The following REC114 variants were observed in gnomAD, a reference collection of about 807,000 sequenced individuals.
REC114 encodes the protein meiotic recombination protein REC114.
REC114 carries 27 observed loss-of-function variants against 31.3 expected under a neutral mutation model. That is an observed-to-expected ratio of 0.86 (90% CI 0.64 to 1.19). REC114 has a LOEUF of 1.19. REC114 is among the 50% of genes most tolerant of loss of function. The pLI, the probability that REC114 is intolerant of heterozygous loss-of-function variation, is 0.00. For synonymous variants in REC114, 134 were observed against 127.7 expected (o/e 1.05, Z -0.33); for missense variants, 344 against 326.9 (o/e 1.05, Z -0.40).
chr15:73,490,329 C>T (rs369438090), intron 2 of REC114, among the ~76,000 whole-genome samples: 31 of 151,750 alleles, frequency 2.0e-4, no homozygotes, highest in Non-Finnish European at 3.8e-4. Flanking sequence ...AAGAATATTA[C>T]GTCTTTGAAT....
intron 2 of REC114, among the ~76,000 whole-genome samples, chr15:73,475,775 A>T (rs1443015018): frequency 6.6e-6 from 1 of 152,210 alleles, no homozygotes. Context: ...TAATTAGGAT[A>T]GTTAACTGAG....
chr15:73,525,571 AT>A (rs778010456), intron 2 of REC114, among the ~76,000 whole-genome samples: 4 of 148,734 alleles, frequency 2.7e-5, no homozygotes, highest in Admixed American at 6.7e-5. Flanking sequence ...TTATTCTGTG[AT>A]TTTTTTTTAC....
intron 2 of REC114, among the ~76,000 whole-genome samples, chr15:73,523,533 C>G (rs1893964725): frequency 6.6e-6 from 1 of 152,200 alleles, no homozygotes; most frequent in African/African-American, 2.4e-5. Flanking sequence ...GCCTATGAAG[C>G]TAGGTTACAG....
intron 2 of REC114, among the ~76,000 whole-genome samples, chr15:73,520,365 G>C (rs1488397136): frequency 2.0e-5 from 3 of 152,066 alleles, no homozygotes; most frequent in Admixed American, 2.0e-4. Context: ...TAAGTAGCTG[G>C]GATTACAGGC....
chr15:73,489,845 C>T (rs904920332), intron 2 of REC114, among the ~76,000 whole-genome samples: 1 of 152,158 alleles, frequency 6.6e-6, no homozygotes. Flanking sequence ...ACTCTAACAA[C>T]AGTGGTGGTT....
intron 2 of REC114, among the ~76,000 whole-genome samples, chr15:73,487,777 C>T (rs1893390982): frequency 6.6e-6 from 1 of 152,222 alleles, no homozygotes; most frequent in African/African-American, 2.4e-5. Context: ...CTAGACATTG[C>T]CCTAATAGGG....
chr15:73,545,167 A>G (rs900529042), intron 3 of REC114, among the ~76,000 whole-genome samples: 2 of 152,336 alleles, frequency 1.3e-5, no homozygotes, highest in South Asian at 4.1e-4. Context: ...ATTAGTTGTT[A>G]TAACTTGAAA....
chr15:73,523,896 C>T (rs1893971597), intron 2 of REC114, among the ~76,000 whole-genome samples: 1 of 152,162 alleles, frequency 6.6e-6, no homozygotes, highest in African/African-American at 2.4e-5. Context: ...AGGTCCCCTT[C>T]TTCCCAACTA....
chr15:73,509,905 G>C (rs1246810820), intron 2 of REC114, among the ~76,000 whole-genome samples: 1 of 151,478 alleles, frequency 6.6e-6, no homozygotes, highest in Non-Finnish European at 1.5e-5. Flanking sequence ...TTTTGGCTTA[G>C]GATTGACTTG....
At position 73,557,596 on chromosome 15, in the gene REC114, T is replaced by C. The variant is rs113770224; in HGVS notation, c.636+1205T>C. On this transcript the variant is annotated intron_variant, in intron 5 of 5. Coordinates refer to ENST00000331090, the MANE Select transcript of REC114 (RefSeq NM_001042367.2). ...ATTATTTGTCCAGCAGCAGGACTAA[T>C]GCCCATATTTGCATTGGGGTTAGGG... 1.5e-3 allele frequency among the ~76,000 whole-genome samples: 221 copies of C among 152,306 alleles called. 1 individual carries two copies. The highest frequency in any genetic ancestry group is 1.6e-3 in the Non-Finnish European group (109 of 68,022).
At chr15:73,484,200 GTTTC>G (rs72236410) in intron 2 of REC114, among the ~76,000 whole-genome samples, 2,149 of 152,212 alleles carry the variant, frequency 0.014, 22 homozygotes, top group African/African-American at 0.021. Context: ...CTCCACTCCT[GTTTC>G]TTCTTTCAGC....
At chr15:73,448,555 G>A (rs1291831813) in intron 1 of REC114, among the ~76,000 whole-genome samples, 1 of 152,316 alleles carries the variant, frequency 6.6e-6, no homozygotes, top group South Asian at 2.1e-4. Context: ...GGAGGAAGGG[G>A]TGGCTGTGGG....
rs552804718 is a variant in REC114, at chr15:73,499,692, A to G, written c.249+25771A>G. Among the ~76,000 whole-genome samples the G allele has an allele frequency of 2.6e-5, 4 of 152,298 alleles. No homozygotes were observed. The East Asian group carries it at 7.7e-4, about 29-fold the overall frequency. On this transcript the variant is annotated intron_variant, in intron 2 of 5. Transcript: ENST00000331090. Reference sequence around the variant, plus strand: ...CTTCAAAGCTCCCAATCGCCTTAGAATAAAACCAGGCTTTCTTAGCATGGA... The same window carrying G: ...CTTCAAAGCTCCCAATCGCCTTAGAGTAAAACCAGGCTTTCTTAGCATGGA...
intron 2 of REC114, among the ~76,000 whole-genome samples, chr15:73,489,004 A>G (rs1458377231): frequency 1.3e-5 from 2 of 152,148 alleles, no homozygotes; most frequent in African/African-American, 4.8e-5. Flanking sequence ...TAAACAATAG[A>G]AATGTATTTC....
At chr15:73,459,500 G>A (rs1174460347) in intron 1 of REC114, among the ~76,000 whole-genome samples, 1 of 152,012 alleles carries the variant, frequency 6.6e-6, no homozygotes, top group African/African-American at 2.4e-5. Flanking sequence ...CCAAAGTGTT[G>A]GGATTACAGG....
At chr15:73,447,970 C>T (rs1005291990) in intron 1 of REC114, among the ~76,000 whole-genome samples, 15 of 152,190 alleles carry the variant, frequency 9.9e-5, no homozygotes, top group African/African-American at 3.6e-4. Context: ...CTGTGCTTTT[C>T]CCATGGTCTT....
At chr15:73,552,463 TTTA>T (rs1302294735) in intron 4 of REC114, among the ~76,000 whole-genome samples, 9 of 152,192 alleles carry the variant, frequency 5.9e-5, no homozygotes, top group Admixed American at 3.9e-4. Context: ...GTAAAGTGGG[TTTA>T]TTATTTTTAA....
At chr15:73,547,348 C>A (rs921910951) in intron 3 of REC114, among the ~76,000 whole-genome samples, 2 of 152,112 alleles carry the variant, frequency 1.3e-5, no homozygotes, top group African/African-American at 4.8e-5. Context: ...AATGAGATAC[C>A]ATCTCACTCC....
chr15:73,456,920 A>G (rs2151252978), intron 1 of REC114, among the ~76,000 whole-genome samples: 1 of 152,328 alleles, frequency 6.6e-6, no homozygotes, highest in African/African-American at 2.4e-5. Context: ...AATAACAAAA[A>G]TAACAGTTTT....
Sources: allele counts gnomAD v4.1 joint callset (sites outside exome capture counted in the v4.1 genomes callset), GRCh38; gene constraint gnomAD v4.1.1; transcripts MANE v1.5; gene names NCBI Gene and HGNC (gene_info 2026-07-23, HGNC 2026-07-21).